SYT14: variants seen among roughly 807,000 people sequenced by gnomAD.
The protein encoded by SYT14 is synaptotagmin-14.
A neutral mutation model predicts 74.2 loss-of-function variants in SYT14; 32 were observed. That is an observed-to-expected ratio of 0.43 (90% confidence interval 0.33 to 0.58). The LOEUF is 0.58. Ranked by LOEUF, SYT14 falls within the 20% of genes least tolerant of loss-of-function variation. The pLI, the probability that SYT14 is intolerant of heterozygous loss-of-function variation, is 0.05. For synonymous variants in SYT14, 298 were observed against 337.7 expected, an observed-to-expected ratio of 0.88 and a Z score of 1.29; for missense variants, 791 against 981.8, an observed-to-expected ratio of 0.81 and a Z score of 2.60.
intron 7 of SYT14, among the ~76,000 whole-genome samples, chr1:210,151,280 C>T (rs1327679635): frequency 6.6e-6 from 1 of 152,150 alleles, no homozygotes; most frequent in Non-Finnish European, 1.5e-5. Context: ...ATGAGATCTG[C>T]AGAGGGAGTA....
At chr1:210,010,596 T>G (rs1267722540) in intron 2 of SYT14, among the ~76,000 whole-genome samples, 1 of 152,202 alleles carries the variant, frequency 6.6e-6, no homozygotes, top group Non-Finnish European at 1.5e-5. Context: ...CAGTAATAAT[T>G]TATAGTAATA....
In SYT14 at chr1:209,947,874, A is replaced by C. The variant is rs939023971; in HGVS notation, c.-533-4835A>C. ...TGCCACAGCCACCCCAACCTTCATC[A>C]TCCATTATCCTAATGGGTTCACAAT... is the stretch of plus-strand genomic sequence containing the variant. On this transcript the variant is annotated intron_variant, in intron 1 of 9. Transcript: ENST00000637265. Among the ~76,000 whole-genome samples, 4 of 152,336 alleles carry C rather than the reference A, an allele frequency of 2.6e-5. No homozygotes were observed. In the East Asian group the frequency reaches 7.7e-4, roughly 29 times the overall value.
intron 5 of SYT14, among the ~76,000 whole-genome samples, chr1:210,085,541 G>A (rs1193425694): frequency 6.6e-6 from 1 of 152,150 alleles, no homozygotes; most frequent in African/African-American, 2.4e-5. Context: ...AAAGGAAATT[G>A]CTTTCTATTC....
intron 7 of SYT14, among the ~76,000 whole-genome samples, chr1:210,125,140 G>C (rs2082542869): frequency 6.6e-6 from 1 of 151,764 alleles, no homozygotes; most frequent in South Asian, 2.1e-4. Context: ...GCTGGAGTTT[G>C]AGCTTCTATT....
At chr1:209,998,229 A>T (rs2079833179) in intron 2 of SYT14, among the ~76,000 whole-genome samples, 1 of 152,170 alleles carries the variant, frequency 6.6e-6, no homozygotes, top group South Asian at 2.1e-4. Flanking sequence ...AAAATAAAAT[A>T]ATAAAGTTAG....
rs960458162 is a variant in SYT14 at position 209,977,141 on chromosome 1, T to G, written c.-486+24385T>G. ...GGTTCCCTGAATACAGCACACTGAT[T>G]GGTCTTGACTGTTTGTCCAATTTGC... On this transcript the variant is annotated intron_variant, in intron 2 of 9. Coordinates refer to ENST00000637265, the Ensembl canonical transcript of SYT14. 1.5e-4 allele frequency among the ~76,000 whole-genome samples: 23 copies of G among 152,182 alleles called. 1 individual carries two copies. Among genetic ancestry groups the G allele is most frequent in the Admixed American group, 3.9e-4 (6 of 15,280 alleles).
intron 5 of SYT14, among the ~76,000 whole-genome samples, chr1:210,060,990 A>G (rs2081198282): frequency 1.3e-5 from 2 of 152,122 alleles, no homozygotes; most frequent in South Asian, 4.1e-4. Flanking sequence ...TATCTTTGCA[A>G]GAAAACTGAA....
chr1:209,981,884 C>A (rs760335652), intron 2 of SYT14, among the ~76,000 whole-genome samples: 1 of 152,130 alleles, frequency 6.6e-6, no homozygotes, highest in Non-Finnish European at 1.5e-5. Flanking sequence ...ACCTTTTTCT[C>A]TAGCTGCCTT....
chr1:209,990,526 T>C (rs984562587), intron 2 of SYT14, among the ~76,000 whole-genome samples: 1 of 12,130 alleles, frequency 8.2e-5, no homozygotes, highest in Non-Finnish European at 2.9e-4. Flanking sequence ...ATATTTCACA[T>C]ATATATATAT....
intron 2 of SYT14, among the ~76,000 whole-genome samples, chr1:209,984,817 G>A (rs2079544502): frequency 6.6e-6 from 1 of 152,154 alleles, no homozygotes; most frequent in Non-Finnish European, 1.5e-5. Flanking sequence ...ATGCTGGAAG[G>A]GAAAGTGGGA....
chr1:210,103,337 T>G (rs2082103483), intron 7 of SYT14, among the ~76,000 whole-genome samples: 1 of 151,778 alleles, frequency 6.6e-6, no homozygotes, highest in East Asian at 2.0e-4. Flanking sequence ...GATCATGAGG[T>G]CAGGAGATTG....
chr1:210,152,549 T>A (rs1413929835), intron 7 of SYT14, among the ~76,000 whole-genome samples: 3 of 152,286 alleles, frequency 2.0e-5, no homozygotes, highest in Non-Finnish European at 4.4e-5. Flanking sequence ...ATTCTTTTCT[T>A]AAATCTTCTT....
At chr1:210,069,288 G>A (rs1572245235) in intron 5 of SYT14, among the ~76,000 whole-genome samples, 1 of 151,894 alleles carries the variant, frequency 6.6e-6, no homozygotes, top group Admixed American at 6.6e-5. Flanking sequence ...ATGTCTTTTA[G>A]TTGAGCTTAT....
rs150120892 is a variant in SYT14, at chr1:210,052,781, T to C, written c.1312+31527T>C. 1.9e-3 allele frequency among the ~76,000 whole-genome samples: 282 copies of C among 151,962 alleles called. 1 individual carries two copies. The highest frequency in any genetic ancestry group is 6.1e-3 in the African/African-American group (251 of 41,434). ...CATTATAAATGCTTAGGAGTCCATT[T>C]AATAAGTTGCTAACAGGAAATTATT... On this transcript the variant is annotated intron_variant, in intron 5 of 9. Coordinates refer to ENST00000637265, the Ensembl canonical transcript of SYT14.
chr1:210,134,982 T>G (rs368815899), intron 7 of SYT14, among the ~76,000 whole-genome samples: 2 of 151,718 alleles, frequency 1.3e-5, no homozygotes, highest in African/African-American at 4.9e-5. Flanking sequence ...TTTTTTTCCC[T>G]GTCTTTTTTT....
At chr1:210,094,733 A>C in intron 6 of SYT14, 140 bp downstream of exon 5, 3 of 1,065,830 alleles carry the variant, frequency 2.8e-6, no homozygotes, top group Non-Finnish European at 4.1e-6. Flanking sequence ...CCTTAATCTA[A>C]TCTTTATCCA....
intron 7 of SYT14, among the ~76,000 whole-genome samples, chr1:210,107,764 T>A (rs962015847): frequency 1.3e-5 from 2 of 152,246 alleles, no homozygotes; most frequent in Non-Finnish European, 2.9e-5. Context: ...AGTTTGATCC[T>A]ATTTTTATAA....
At chr1:209,968,177 A>G (rs2079185468) in intron 2 of SYT14, among the ~76,000 whole-genome samples, 1 of 152,146 alleles carries the variant, frequency 6.6e-6, no homozygotes, top group Non-Finnish European at 1.5e-5. Flanking sequence ...ATGTAGCCTC[A>G]TCTTAGGTCA....
chr1:210,066,826 AT>A (rs1323823126), intron 5 of SYT14, among the ~76,000 whole-genome samples: 1 of 151,998 alleles, frequency 6.6e-6, no homozygotes, highest in Non-Finnish European at 1.5e-5. Flanking sequence ...TGTTTGATGA[AT>A]TTCAATTTAT....
Sources: allele counts gnomAD v4.1 joint callset (sites outside exome capture counted in the v4.1 genomes callset), GRCh38; gene constraint gnomAD v4.1.1; transcripts MANE v1.5; gene names NCBI Gene and HGNC (gene_info 2026-07-23, HGNC 2026-07-21).